Variants in SYT9 observed in about 807,000 individuals in gnomAD.
SYT9 encodes the protein synaptotagmin 9.
In SYT9, 22 loss-of-function variants were observed where a neutral mutation model predicts 48.4. The ratio of observed to expected loss-of-function variants is 0.45; its 90% CI spans 0.32 to 0.65. SYT9 has a LOEUF of 0.65. Ranked by LOEUF, SYT9 falls within the 30% of genes least tolerant of loss-of-function variation. SYT9 has a pLI of 0.03. For synonymous variants in SYT9, 265 were observed against 245.0 expected (o/e 1.08, Z -0.76); for missense variants, 577 against 622.0 (o/e 0.93, Z 0.77).
chr11:7,348,799 A>G (rs1468394555), intron 3 of SYT9, among the ~76,000 whole-genome samples: 1 of 138,118 alleles, frequency 7.2e-6, no homozygotes, highest in East Asian at 2.4e-4. Context: ...ACTGTCTCTT[A>G]GATTTCATAT....
chr11:7,308,370 G>C (rs1849070159), intron 2 of SYT9, among the ~76,000 whole-genome samples: 1 of 152,122 alleles, frequency 6.6e-6, no homozygotes, highest in Non-Finnish European at 1.5e-5. Flanking sequence ...CATATATTAG[G>C]GTGCACTTGT....
At chr11:7,294,999 G>GT (rs1848770511) in intron 1 of SYT9, among the ~76,000 whole-genome samples, 1 of 152,140 alleles carries the variant, frequency 6.6e-6, no homozygotes, top group African/African-American at 2.4e-5. Flanking sequence ...CAAATTGGCA[G>GT]TTTCTCTGCT....
chr11:7,302,986 G>C, intron 1 of SYT9, 53 bp from the exon 2 acceptor site: 2 of 1,503,944 alleles, frequency 1.3e-6, no homozygotes, highest in Non-Finnish European at 1.8e-6. Context: ...CTGTGCAATG[G>C]GTGGGCTTGA....
At chr11:7,368,441 T>C (rs1850292167) in intron 3 of SYT9, among the ~76,000 whole-genome samples, 1 of 152,174 alleles carries the variant, frequency 6.6e-6, no homozygotes, top group Non-Finnish European at 1.5e-5. Flanking sequence ...GGTGGTTTGC[T>C]GCATCTGTCA....
At chr11:7,264,306 T>G (rs1252538783) in intron 1 of SYT9, among the ~76,000 whole-genome samples, 1 of 152,152 alleles carries the variant, frequency 6.6e-6, no homozygotes, top group East Asian at 1.9e-4. Context: ...CTGCTTGAAG[T>G]TGGCGATCAT....
chr11:7,412,837 A>G (rs7127345), intron 3 of SYT9, among the ~76,000 whole-genome samples: 151,360 of 152,286 alleles, frequency 0.99, 75,229 homozygotes, highest in Middle Eastern at 1. Context: ...CTTGCAAGTG[A>G]GTGCCAATTG....
chr11:7,261,283 T>A (rs1424848810), intron 1 of SYT9, among the ~76,000 whole-genome samples: 1 of 152,084 alleles, frequency 6.6e-6, no homozygotes, highest in Non-Finnish European at 1.5e-5. Flanking sequence ...ATTAAAAGAG[T>A]TTACGCTGAA....
chr11:7,354,400 G>A (rs2134007432), intron 3 of SYT9, among the ~76,000 whole-genome samples: 1 of 152,276 alleles, frequency 6.6e-6, no homozygotes, highest in Non-Finnish European at 1.5e-5. Context: ...TGAATGTGAT[G>A]GTCCAAATCC....
chr11:7,289,839 A>G (rs1369000606), intron 1 of SYT9, among the ~76,000 whole-genome samples: 2 of 152,266 alleles, frequency 1.3e-5, no homozygotes, highest in Non-Finnish European at 1.5e-5. Flanking sequence ...ATTGCTATGC[A>G]TGACTACTGA....
At chr11:7,451,197 A>G (rs1349831878) in intron 6 of SYT9, among the ~76,000 whole-genome samples, 1 of 152,232 alleles carries the variant, frequency 6.6e-6, no homozygotes, top group East Asian at 1.9e-4. Context: ...AGTAGGACAT[A>G]GGACATGCAC....
intron 3 of SYT9, among the ~76,000 whole-genome samples, chr11:7,375,860 C>G (rs1456451782): frequency 1.3e-5 from 2 of 152,018 alleles, no homozygotes; most frequent in Non-Finnish European, 2.9e-5. Flanking sequence ...AGCCTCCATG[C>G]TGTTGCTCAG....
chr11:7,265,668 C>CTT (rs386353084), intron 1 of SYT9, among the ~76,000 whole-genome samples: 40,283 of 144,860 alleles, frequency 0.28, 6,671 homozygotes, highest in Non-Finnish European at 0.37. Flanking sequence ...ATCATGGATT[C>CTT]TTTTTTTTTT....
chr11:7,353,719 C>T (rs1849963371), intron 3 of SYT9, among the ~76,000 whole-genome samples: 1 of 152,150 alleles, frequency 6.6e-6, no homozygotes, highest in African/African-American at 2.4e-5. Flanking sequence ...TTATATTAAG[C>T]TTTCCCTGTT....
intron 3 of SYT9, among the ~76,000 whole-genome samples, chr11:7,357,055 A>G (rs577152869): frequency 6.6e-6 from 1 of 152,328 alleles, no homozygotes; most frequent in Admixed American, 6.5e-5. Context: ...AAGTTTTCCC[A>G]AAGAACTAGC....
chr11:7,454,209 C>T (rs4758185), intron 6 of SYT9: 547,369 of 985,000 alleles, frequency 0.56, 153,834 homozygotes, highest in Non-Finnish European at 0.57. Flanking sequence ...TACTCAAATA[C>T]CCTGAGTCCC....
chr11:7,466,541 T>C (rs928466345), intron 6 of SYT9, among the ~76,000 whole-genome samples: 2 of 152,004 alleles, frequency 1.3e-5, no homozygotes, highest in African/African-American at 4.8e-5. Flanking sequence ...GCCAACATGG[T>C]GACACCCTGT....
intron 3 of SYT9, among the ~76,000 whole-genome samples, chr11:7,378,803 C>T (rs1452523407): frequency 6.6e-6 from 1 of 152,036 alleles, no homozygotes; most frequent in Non-Finnish European, 1.5e-5. Flanking sequence ...CTCATCATCC[C>T]GTCTCCCATA....
chr11:7,297,926 A>G (rs1224630477), intron 1 of SYT9, among the ~76,000 whole-genome samples: 3 of 152,070 alleles, frequency 2.0e-5, no homozygotes, highest in Admixed American at 6.5e-5. Context: ...TATTTTTTCA[A>G]ATTCATTTTG....
intron 1 of SYT9, among the ~76,000 whole-genome samples, chr11:7,298,911 G>A (rs1429706284): frequency 6.6e-6 from 1 of 152,046 alleles, no homozygotes; most frequent in Non-Finnish European, 1.5e-5. Context: ...TTTATGCACG[G>A]TCACCCCCAA....
Sources: allele counts gnomAD v4.1 joint callset (sites outside exome capture counted in the v4.1 genomes callset), GRCh38; gene constraint gnomAD v4.1.1; transcripts MANE v1.5; gene names NCBI Gene and HGNC (gene_info 2026-07-23, HGNC 2026-07-21).